Variants in NALF1 observed in about 807,000 individuals in gnomAD.
NALF1 encodes the protein family with sequence similarity 155 member A.
NALF1 carries 3 observed loss-of-function variants against 48.4 expected under a neutral mutation model. The observed-to-expected ratio is 0.06, with a 90% CI of 0.03 to 0.16. NALF1 has a LOEUF of 0.16. Among genes scored for constraint, NALF1 ranks in the 10% least tolerant of loss-of-function variants. The pLI is 1.00. For synonymous variants in NALF1, 262 were observed against 245.7 expected (o/e 1.07, Z -0.62); for missense variants, 526 against 571.5 (o/e 0.92, Z 0.81).
At chr13:107,661,585 A>C (rs746085534) in intron 1 of NALF1, among the ~76,000 whole-genome samples, 14 of 152,162 alleles carry the variant, frequency 9.2e-5, no homozygotes, top group Non-Finnish European at 1.6e-4. Flanking sequence ...ACTCGGCATA[A>C]TACCTTAACC....
intron 1 of NALF1, among the ~76,000 whole-genome samples, chr13:107,387,631 G>A (rs1883552475): frequency 6.6e-6 from 1 of 152,154 alleles, no homozygotes; most frequent in Admixed American, 6.6e-5. Flanking sequence ...CGAGATGAGA[G>A]TTATATAACC....
At chr13:107,415,929 C>T (rs1884076911) in intron 1 of NALF1, among the ~76,000 whole-genome samples, 1 of 152,180 alleles carries the variant, frequency 6.6e-6, no homozygotes, top group South Asian at 2.1e-4. Context: ...TGACGATCTA[C>T]TTCCCGGTGT....
intron 1 of NALF1, among the ~76,000 whole-genome samples, chr13:107,446,912 G>A (rs1884659840): frequency 6.6e-6 from 1 of 152,196 alleles, no homozygotes. Context: ...TAAGCCAATA[G>A]ATACATGTTT....
intron 1 of NALF1, among the ~76,000 whole-genome samples, chr13:107,396,155 G>T (rs1008454147): frequency 1.3e-5 from 2 of 152,092 alleles, no homozygotes; most frequent in Non-Finnish European, 2.9e-5. Context: ...GTGGCAGAAA[G>T]AGACATTTTG....
chr13:107,483,458 C>T (rs1885283727), intron 1 of NALF1, among the ~76,000 whole-genome samples: 1 of 152,096 alleles, frequency 6.6e-6, no homozygotes, highest in Non-Finnish European at 1.5e-5. Flanking sequence ...AGATTTCCAT[C>T]TATAATACTT....
intron 1 of NALF1, among the ~76,000 whole-genome samples, chr13:107,721,462 T>C (rs1189637239): frequency 6.6e-6 from 1 of 152,182 alleles, no homozygotes; most frequent in Non-Finnish European, 1.5e-5. Flanking sequence ...CATTTTTGAA[T>C]GGAGCAGGTA....
chr13:107,442,681 T>A (rs1388446205), intron 1 of NALF1, among the ~76,000 whole-genome samples: 1 of 152,176 alleles, frequency 6.6e-6, no homozygotes, highest in Non-Finnish European at 1.5e-5. Context: ...AAAACTTTTT[T>A]AAGGAGAGAT....
chr13:107,515,522 C>T (rs1035404128), intron 1 of NALF1, among the ~76,000 whole-genome samples: 3 of 152,222 alleles, frequency 2.0e-5, no homozygotes, highest in African/African-American at 7.2e-5. Context: ...CCCCACATTA[C>T]ATAGTTTCAT....
chr13:107,460,109 C>A (rs1884894300), intron 1 of NALF1, among the ~76,000 whole-genome samples: 1 of 152,160 alleles, frequency 6.6e-6, no homozygotes, highest in Admixed American at 6.6e-5. Flanking sequence ...GGAACCAAAC[C>A]AAATGTTTAA....
chr13:107,860,913 A>G (rs954242194), intron 1 of NALF1, among the ~76,000 whole-genome samples: 2 of 152,210 alleles, frequency 1.3e-5, no homozygotes, highest in African/African-American at 4.8e-5. Flanking sequence ...TGTGGACACT[A>G]ACTTCATCTA....
intron 1 of NALF1, among the ~76,000 whole-genome samples, chr13:107,856,538 T>C (rs1880444172): frequency 6.6e-6 from 1 of 152,218 alleles, no homozygotes; most frequent in African/African-American, 2.4e-5. Context: ...TTCATTATTT[T>C]TTAAATTATT....
At chr13:107,519,028 A>C (rs1876152020) in intron 1 of NALF1, among the ~76,000 whole-genome samples, 1 of 152,176 alleles carries the variant, frequency 6.6e-6, no homozygotes, top group Non-Finnish European at 1.5e-5. Context: ...TGTGCATCCG[A>C]GTCAGCCTTC....
intron 1 of NALF1, among the ~76,000 whole-genome samples, chr13:107,537,798 A>G (rs1487774069): frequency 6.6e-6 from 1 of 152,072 alleles, no homozygotes; most frequent in Non-Finnish European, 1.5e-5. Flanking sequence ...CAGGTAGATC[A>G]CTTGAGGTCA....
chr13:107,548,564 T>C (rs1877201000), intron 1 of NALF1, among the ~76,000 whole-genome samples: 1 of 152,124 alleles, frequency 6.6e-6, no homozygotes, highest in Non-Finnish European at 1.5e-5. Flanking sequence ...AATAATTGAA[T>C]GAATTTACAG....
chr13:107,600,433 T>C (rs972730714), intron 1 of NALF1, among the ~76,000 whole-genome samples: 4 of 151,910 alleles, frequency 2.6e-5, no homozygotes, highest in Non-Finnish European at 5.9e-5. Context: ...CTCCTCAAAC[T>C]ATTATGTAGG....
chr13:107,353,714 C>G (rs887735781), intron 1 of NALF1, among the ~76,000 whole-genome samples: 1 of 152,150 alleles, frequency 6.6e-6, no homozygotes, highest in African/African-American at 2.4e-5. Flanking sequence ...TGTTTTAAGT[C>G]ACAAACTTTG....
chr13:107,483,746 C>T (rs762413079), intron 1 of NALF1, among the ~76,000 whole-genome samples: 2 of 151,944 alleles, frequency 1.3e-5, no homozygotes, highest in African/African-American at 2.4e-5. Flanking sequence ...ACACTTGTGA[C>T]ATTACTATAC....
At chr13:107,597,944 G>C (rs568604118) in intron 1 of NALF1, among the ~76,000 whole-genome samples, 7 of 152,196 alleles carry the variant, frequency 4.6e-5, no homozygotes, top group Non-Finnish European at 7.4e-5. Flanking sequence ...GTACAGATAA[G>C]AAAATCATCA....
intron 1 of NALF1, among the ~76,000 whole-genome samples, chr13:107,780,364 T>C (rs962775124): frequency 6.6e-6 from 1 of 152,192 alleles, no homozygotes; most frequent in Non-Finnish European, 1.5e-5. Context: ...GCACAATTTT[T>C]CTGTGCCTTA....
Sources: gnomAD v4.1 joint callset for allele counts (sites outside exome capture counted in the v4.1 genomes callset) on GRCh38, gnomAD v4.1.1 for gene constraint, MANE v1.5 for transcripts, NCBI Gene and HGNC (gene_info 2026-07-23, HGNC 2026-07-21) for gene names.